MINPP1: variants seen among roughly 807,000 people sequenced by gnomAD.
MINPP1 encodes multiple inositol polyphosphate phosphatase 1.
In MINPP1, 28 loss-of-function variants were observed where a neutral mutation model predicts 46.1. The observed-to-expected ratio is 0.61, with a 90% CI of 0.45 to 0.83. MINPP1 has a LOEUF of 0.83. MINPP1 is among the 40% of genes least tolerant of loss of function. The pLI is 0.00. For synonymous variants in MINPP1, 268 were observed against 249.1 expected (o/e 1.08, Z -0.72); for missense variants, 603 against 610.0 (o/e 0.99, Z 0.12).
chr10:87,551,433 A>C (rs112155344), intron 4 of MINPP1, among the ~76,000 whole-genome samples: 15 of 152,114 alleles, frequency 9.9e-5, no homozygotes, highest in African/African-American at 3.6e-4. Context: ...AATCATAGAA[A>C]ACTTCAAGAA....
intron 2 of MINPP1, among the ~76,000 whole-genome samples, chr10:87,511,722 T>C (rs917257919): frequency 2.5e-4 from 38 of 152,308 alleles, no homozygotes; most frequent in African/African-American, 8.4e-4. Flanking sequence ...GGTGAATTTT[T>C]TTTTTCTGGT....
intron 3 of MINPP1, among the ~76,000 whole-genome samples, chr10:87,517,608 A>G (rs1851430468): frequency 6.6e-6 from 1 of 152,230 alleles, no homozygotes; most frequent in Non-Finnish European, 1.5e-5. Context: ...ATAATATTCC[A>G]TTATATGAAT....
chr10:87,526,633 T>A (rs1851580940), intron 4 of MINPP1, among the ~76,000 whole-genome samples: 1 of 152,226 alleles, frequency 6.6e-6, no homozygotes, highest in Non-Finnish European at 1.5e-5. Flanking sequence ...GCCTATGTCC[T>A]GAATAGTACT....
At position 87,513,348 on chromosome 10, in the gene MINPP1, A is replaced by G. The variant is rs566593493; in HGVS notation, c.933+127A>G. The G allele has an allele frequency of 1.1e-4, 76 of 682,512 alleles. No individual in the cohort carries two copies. In the South Asian group the frequency reaches 1.2e-3, roughly 11 times the overall value. 42.3% of individuals were successfully genotyped at this position (682,512 alleles called of 1,614,324 possible). On this transcript the variant is annotated intron_variant, in intron 3 of 4. Coordinates refer to ENST00000371996, the MANE Select transcript of MINPP1 (RefSeq NM_004897.5). Reference sequence around the variant, plus strand: ...GTTAGGGAACATAAACTGTTTTGTGACTAACTCCTAATTTTCCTTAAATAA... The same window carrying G: ...GTTAGGGAACATAAACTGTTTTGTGGCTAACTCCTAATTTTCCTTAAATAA...
intron 4 of MINPP1, among the ~76,000 whole-genome samples, chr10:87,525,966 G>T (rs1236281035): frequency 6.6e-6 from 1 of 152,192 alleles, no homozygotes; most frequent in Non-Finnish European, 1.5e-5. Context: ...TGATGGACAT[G>T]TGGGTTGGTT....
At chr10:87,508,678 G>T in intron 2 of MINPP1, 145 bp downstream of exon 2, 3 of 768,928 alleles carry the variant, frequency 3.9e-6, no homozygotes, top group Non-Finnish European at 4.2e-6. Flanking sequence ...CAAAAAAATT[G>T]TATACCTTGT....
At chr10:87,533,816 C>T (rs1366704764) in intron 4 of MINPP1, among the ~76,000 whole-genome samples, 2 of 151,928 alleles carry the variant, frequency 1.3e-5, no homozygotes, top group Non-Finnish European at 1.5e-5. Context: ...CGTAAGATGG[C>T]AGCATTGAGA....
In MINPP1 at chr10:87,505,749, A is replaced by G. The variant is rs542402800; in HGVS notation, c.637+197A>G. The stretch of plus-strand genomic sequence containing the variant: ...GCTATCTCTTTTTCCCCTTACACGT[A>G]TGTTCATTTATTAATTCATCAGGTG... On this transcript the variant is annotated intron_variant, in intron 1 of 4. Coordinates refer to ENST00000371996, the MANE Select transcript of MINPP1 (RefSeq NM_004897.5). The surrounding 1 kb of genome is among the most constrained non-coding windows in gnomAD (Gnocchi z 4.4). 3.3e-5 allele frequency among the ~76,000 whole-genome samples: 5 copies of G among 152,094 alleles called. No homozygotes were observed. In the East Asian group the frequency reaches 7.7e-4, roughly 24 times the overall value.
intron 4 of MINPP1, among the ~76,000 whole-genome samples, chr10:87,540,727 T>A (rs1235387458): frequency 6.6e-6 from 1 of 152,214 alleles, no homozygotes; most frequent in Non-Finnish European, 1.5e-5. Flanking sequence ...TGATTGGGCA[T>A]ATACTAACTG....
chr10:87,534,479 T>C (rs1419662307), intron 4 of MINPP1, among the ~76,000 whole-genome samples: 1 of 152,254 alleles, frequency 6.6e-6, no homozygotes, highest in Non-Finnish European at 1.5e-5. Context: ...TATCACTAGA[T>C]TGTAGGTCTA....
At chr10:87,544,328 C>A (rs7917301) in intron 4 of MINPP1, among the ~76,000 whole-genome samples, 1 of 152,166 alleles carries the variant, frequency 6.6e-6, no homozygotes, top group Non-Finnish European at 1.5e-5. Context: ...AGGGCCACAC[C>A]GCCCTCCAGG....
intron 4 of MINPP1, among the ~76,000 whole-genome samples, chr10:87,526,240 C>T (rs1851575388): frequency 6.6e-6 from 1 of 152,156 alleles, no homozygotes; most frequent in Non-Finnish European, 1.5e-5. Context: ...GATTGCCATT[C>T]TGACTGGTGT....
At chr10:87,518,895 C>G (rs934762689) in intron 3 of MINPP1, among the ~76,000 whole-genome samples, 1 of 152,188 alleles carries the variant, frequency 6.6e-6, no homozygotes, top group Admixed American at 6.5e-5. Context: ...CCAGGAAGCT[C>G]CACATGTTCA....
At chr10:87,540,424 A>G (rs1011436182) in intron 4 of MINPP1, among the ~76,000 whole-genome samples, 1 of 151,516 alleles carries the variant, frequency 6.6e-6, no homozygotes, top group Middle Eastern at 3.2e-3. Flanking sequence ...CTACATGCCT[A>G]TGTTTCTCTC....
At chr10:87,526,507 C>G (rs1851578774) in intron 4 of MINPP1, among the ~76,000 whole-genome samples, 1 of 152,184 alleles carries the variant, frequency 6.6e-6, no homozygotes, top group Admixed American at 6.5e-5. Flanking sequence ...CCTGTTCACT[C>G]TGATGGTAGG....
At chr10:87,514,010 C>T (rs1851374574) in intron 3 of MINPP1, among the ~76,000 whole-genome samples, 1 of 152,112 alleles carries the variant, frequency 6.6e-6, no homozygotes, top group African/African-American at 2.4e-5. Context: ...TCTAACTGTC[C>T]TTCCTGCCTG....
At chr10:87,534,398 A>G (rs920042049) in intron 4 of MINPP1, among the ~76,000 whole-genome samples, 1 of 152,182 alleles carries the variant, frequency 6.6e-6, no homozygotes, top group African/African-American at 2.4e-5. Flanking sequence ...AAAAGTTTAT[A>G]TAACTAGCCT....
chr10:87,552,054 C>A, intron 4 of MINPP1, 28 bp from the exon 5 acceptor site: 1 of 1,569,506 alleles, frequency 6.4e-7, no homozygotes, highest in South Asian at 1.1e-5. Context: ...ATATATATAC[C>A]TTATTTTCTC....
chr10:87,548,328 C>T (rs938905082), intron 4 of MINPP1, among the ~76,000 whole-genome samples: 2 of 152,100 alleles, frequency 1.3e-5, no homozygotes, highest in Admixed American at 1.3e-4. Flanking sequence ...CTTCTCCCCT[C>T]CCCTCCCCCT....
Sources: allele counts gnomAD v4.1 joint callset (sites outside exome capture counted in the v4.1 genomes callset), GRCh38; gene constraint gnomAD v4.1.1; non-coding constraint Gnocchi (gnomAD v3.1); transcripts MANE v1.5; gene names NCBI Gene and HGNC (gene_info 2026-07-23, HGNC 2026-07-21).